Variants in FMN1 observed in about 807,000 individuals in gnomAD.
The protein encoded by FMN1 is formin 1.
A neutral mutation model predicts 132.4 loss-of-function variants in FMN1; 110 were observed. That is an observed-to-expected ratio of 0.83 (90% CI 0.71 to 0.97). The LOEUF (loss-of-function observed/expected upper bound fraction) is 0.97. FMN1 is among the 50% of genes least tolerant of loss of function. FMN1 has a pLI of 0.00. For missense variants in FMN1, 1,792 were observed against 1,705.3 expected, an observed-to-expected ratio of 1.05 and a Z score of -0.90; for synonymous variants, 722 against 651.7, an observed-to-expected ratio of 1.11 and a Z score of -1.64.
intron 17 of FMN1, among the ~76,000 whole-genome samples, chr15:32,821,031 T>C (rs2141102445): frequency 6.6e-6 from 1 of 152,010 alleles, no homozygotes; most frequent in East Asian, 1.9e-4. Flanking sequence ...CTTTAGATTA[T>C]TATTTGAAAT....
intron 19 of FMN1, among the ~76,000 whole-genome samples, chr15:32,793,478 A>AC (rs1350265348): frequency 6.6e-6 from 1 of 151,992 alleles, no homozygotes; most frequent in Non-Finnish European, 1.5e-5. Context: ...ATGAGGTTTC[A>AC]CCATGTTGGC....
chr15:33,123,287 G>A (rs1217486301), intron 4 of FMN1, among the ~76,000 whole-genome samples: 1 of 151,808 alleles, frequency 6.6e-6, no homozygotes, highest in Admixed American at 6.6e-5. Context: ...CAAAACTGGG[G>A]TCATGTCACT....
chr15:33,008,034 C>A lies in FMN1; in HGVS notation c.2203G>T (p.Glu735Ter). 6.2e-7 allele frequency: 1 copy of A among 1,601,234 alleles called. No individual in the cohort carries two copies. The highest frequency in any genetic ancestry group is 8.5e-7 in the Non-Finnish European group (1 of 1,173,192). The part of the protein sequence containing the change: ...AILHLKREHK[E>*]EIENLQAQFE... The stretch of plus-strand genomic sequence containing the variant: ...CATACCTGCAGGTTTTCAATTTCTT[C>A]TTTGTGCTCCCTCTTCAAGTGTAAA... Residue 735 changes from glutamate to a stop codon, truncating the protein, a stop_gained, in exon 7 of 21, where the codon GAA becomes TAA. Coordinates refer to ENST00000616417, the MANE Select transcript of FMN1 (RefSeq NM_001277313.2). LOFTEE classifies it high-confidence loss of function.
chr15:32,943,744 G>A (rs2061446241), intron 9 of FMN1, among the ~76,000 whole-genome samples: 1 of 152,196 alleles, frequency 6.6e-6, no homozygotes, highest in Admixed American at 6.5e-5. Flanking sequence ...TTAGAGAGCA[G>A]TATCTTTGTG....
rs371809087 is a variant in FMN1 at position 32,968,750 on chromosome 15, G to A, written c.2951C>T (p.Pro984Leu). The A allele has an allele frequency of 7.4e-5, 119 of 1,613,334 alleles. No individual in the cohort carries two copies. Among genetic ancestry groups the A allele is most frequent in the Non-Finnish European group, 1.0e-4 (118 of 1,179,752 alleles). Residue 984 changes from proline to leucine, a missense_variant, in exon 8 of 21, where the codon CCT becomes CTT. Transcript: ENST00000616417. ...PAIEPSCPMK[P>L]LYWTRIQISD... ...TATTTGTATCCTAGTCCAATATAAA[G>A]GCTTCATGGGACAACTGGGCTCGAT... is the stretch of plus-strand genomic sequence containing the variant.
Position 33,153,608 on chromosome 15 carries a change from C to A in FMN1, c.1307G>T (p.Gly436Val), listed in dbSNP as rs537060596. 2.8e-3 allele frequency: 4,359 copies of A among 1,536,194 alleles called. 3 individuals are homozygous for A. Among genetic ancestry groups the A allele is most frequent in the Non-Finnish European group, 3.5e-3 (3,994 of 1,146,894 alleles). ...GTGGACAGGGAAGCCCAGTCTTTTC[C>A]CCTCAGGGGCTTCATCTAACTTCTC... ...ESEKLDEAPE[G>V]KRLGFPVHTS... The change falls in exon 4 of 21, where the codon GGG becomes GTG. Residue 436 changes from glycine (G) to valine (V), a missense_variant. Physicochemically the swap from Gly to Val is moderately radical, Grantham distance 109. Transcript: ENST00000616417.
intron 15 of FMN1, among the ~76,000 whole-genome samples, chr15:32,897,302 T>TG (rs1279629030): frequency 1.3e-5 from 2 of 152,358 alleles, no homozygotes; most frequent in East Asian, 3.9e-4. Context: ...TAAATTTTTA[T>TG]GGCTTTCAGT....
chr15:33,169,740 C>CTT (rs57083437), intron 3 of FMN1, among the ~76,000 whole-genome samples: 117 of 117,876 alleles, frequency 9.9e-4, no homozygotes, highest in African/African-American at 2.1e-3. Context: ...TTTTCTTTTC[C>CTT]TTTTTTTTTT....
chr15:33,139,966 G>A (rs1963938074), intron 4 of FMN1, among the ~76,000 whole-genome samples: 1 of 151,962 alleles, frequency 6.6e-6, no homozygotes, highest in Non-Finnish European at 1.5e-5. Context: ...TGTCTTTAGG[G>A]TGTATGTTTC....
chr15:32,911,909 G>C (rs2060570600), intron 10 of FMN1, among the ~76,000 whole-genome samples: 1 of 152,128 alleles, frequency 6.6e-6, no homozygotes, highest in African/African-American at 2.4e-5. Context: ...TATTTTGTGT[G>C]TGGAGATCAC....
chr15:33,049,496 T>C (rs1042356377), intron 6 of FMN1, among the ~76,000 whole-genome samples: 2 of 152,178 alleles, frequency 1.3e-5, no homozygotes, highest in African/African-American at 4.8e-5. Flanking sequence ...CAAGACCAAA[T>C]TAGTAATTTA....
At chr15:33,112,744 TA>T (rs1479983419) in intron 4 of FMN1, among the ~76,000 whole-genome samples, 3 of 152,214 alleles carry the variant, frequency 2.0e-5, no homozygotes, top group African/African-American at 7.2e-5. Flanking sequence ...AATTTTAGGA[TA>T]TTTTCCCTGT....
intron 4 of FMN1, among the ~76,000 whole-genome samples, chr15:33,152,812 T>G (rs899336970): frequency 1.2e-4 from 7 of 60,528 alleles, no homozygotes; most frequent in South Asian, 6.2e-4. Flanking sequence ...AAGAAAGAAA[T>G]AAAAGACATT....
In FMN1 at chr15:33,073,853, C is replaced by T. The variant is rs187340424; in HGVS notation, c.2044-8779G>A. 1.1e-4 allele frequency among the ~76,000 whole-genome samples: 16 copies of T among 152,158 alleles called. No homozygotes were observed. In the East Asian group the frequency reaches 3.1e-3, roughly 29 times the overall value. On this transcript the variant is annotated intron_variant, in intron 5 of 20. Coordinates refer to ENST00000616417, the MANE Select transcript of FMN1 (RefSeq NM_001277313.2). ...TCAAATGATTCTCCCACCTCAGCCT[C>T]CTGAGCACCTGGGATTATAGTTGCG...
chr15:32,860,646 C>G (rs1047981533), intron 16 of FMN1: 1 of 152,132 alleles, frequency 6.6e-6, no homozygotes, highest in Admixed American at 6.5e-5. Flanking sequence ...CAGGGTGAGA[C>G]CCTGTCTCCT....
At position 32,888,246 on chromosome 15, in the gene FMN1, T is replaced by C; in HGVS notation, c.3761A>G (p.Asp1254Gly). ...CTTGACTTGGGAGGCCAGAAAGAAA[T>C]CCTGTGGTTCCGGCAAGGGGAAAAC... ...KSVFPLPEPQ[D>G]FFLASQVKFE... is the part of the protein sequence containing the mutation. Residue 1254 changes from aspartate to glycine, a missense_variant, in exon 16 of 21, where the codon GAT becomes GGT. Transcript: ENST00000616417. 6.2e-7 allele frequency: 1 copy of C among 1,613,058 alleles called. No individual in the cohort carries two copies. The highest frequency in any genetic ancestry group is 8.5e-7 in the Non-Finnish European group (1 of 1,179,456).
rs186180552 is a variant in FMN1, at chr15:33,127,671, G to T, written c.1867+25377C>A. 1.5e-4 allele frequency among the ~76,000 whole-genome samples: 23 copies of T among 152,298 alleles called. 1 individual carries two copies. Among genetic ancestry groups the T allele is most frequent in the Middle Eastern group, 6.8e-3 (2 of 294 alleles). The stretch of plus-strand genomic sequence containing the variant: ...ACCATTCCAACTGAAGCTTCCACTT[G>T]GGGCTGTGAAACCCTCTTTGGACGT... On this transcript the variant is annotated intron_variant, in intron 4 of 20. Coordinates refer to ENST00000616417, the MANE Select transcript of FMN1 (RefSeq NM_001277313.2).
chr15:33,039,352 G>A (rs1395602079), intron 6 of FMN1, among the ~76,000 whole-genome samples: 1 of 101,382 alleles, frequency 9.9e-6, no homozygotes, highest in African/African-American at 4.2e-5. Context: ...TAGAAAGTAT[G>A]TGTGGCTCAT....
At chr15:33,066,572 A>G in intron 5 of FMN1, 3 of 1,611,806 alleles carry the variant, frequency 1.9e-6, no homozygotes, top group Non-Finnish European at 2.5e-6. Flanking sequence ...CACAGCTCTT[A>G]GCGACTCCTT....
Sources: gnomAD v4.1 joint callset for allele counts (sites outside exome capture counted in the v4.1 genomes callset) on GRCh38, gnomAD v4.1.1 for gene constraint, MANE v1.5 for transcripts, NCBI Gene and HGNC (gene_info 2026-07-23, HGNC 2026-07-21) for gene names.